TMEM232: variants seen among roughly 807,000 people sequenced by gnomAD.
The protein encoded by TMEM232 is transmembrane protein 232.
A neutral mutation model predicts 78.8 loss-of-function variants in TMEM232; 80 were observed. The observed-to-expected ratio is 1.01, with a 90% CI of 0.85 to 1.22. TMEM232 has a LOEUF of 1.22. TMEM232 is among the 50% of genes most tolerant of loss of function. TMEM232 has a pLI of 0.00. For missense variants in TMEM232, 881 were observed against 742.2 expected, an observed-to-expected ratio of 1.19 and a Z score of -2.17; for synonymous variants, 297 against 254.3, an observed-to-expected ratio of 1.17 and a Z score of -1.60.
intron 5 of TMEM232, among the ~76,000 whole-genome samples, chr5:110,636,257 C>T (rs2149995082): frequency 6.6e-6 from 1 of 151,750 alleles, no homozygotes; most frequent in African/African-American, 2.4e-5. Flanking sequence ...ATATCAGAGA[C>T]TAAAAAGGGT....
intron 9 of TMEM232, 63 bp from the exon 10 acceptor site, chr5:110,605,421 G>T (rs187593839): frequency 6.9e-7 from 1 of 1,454,826 alleles, no homozygotes; most frequent in African/African-American, 1.4e-5. Flanking sequence ...TAACTACACA[G>T]TGTACTTATA....
chr5:110,620,691 C>A lies in TMEM232; in HGVS notation c.769-2129G>T, dbSNP rs991845168. 3.4e-5 allele frequency among the ~76,000 whole-genome samples: 5 copies of A among 145,176 alleles called. No homozygotes were observed. In the East Asian group the frequency reaches 6.4e-4, roughly 19 times the overall value. Reference sequence around the variant, plus strand: ...TCTCTCTCTCTCTCTCTCCCTCTCTCGGCAACAAGTAATAAACCCAATATG... The same window carrying A: ...TCTCTCTCTCTCTCTCTCCCTCTCTAGGCAACAAGTAATAAACCCAATATG... On this transcript the variant is annotated intron_variant, in intron 7 of 13. Transcript: ENST00000455884.
chr5:110,586,889 T>A (rs943166917), intron 10 of TMEM232, among the ~76,000 whole-genome samples: 1 of 152,146 alleles, frequency 6.6e-6, no homozygotes, highest in African/African-American at 2.4e-5. Flanking sequence ...TCAAGTGTAA[T>A]CTTATAACAT....
intron 5 of TMEM232, among the ~76,000 whole-genome samples, chr5:110,636,462 A>C (rs865904516): frequency 6.6e-6 from 1 of 152,146 alleles, no homozygotes; most frequent in South Asian, 2.1e-4. Context: ...TGGATACCCT[A>C]AATATCCTGA....
intron 5 of TMEM232, among the ~76,000 whole-genome samples, chr5:110,635,371 G>A (rs970487582): frequency 6.6e-6 from 1 of 151,796 alleles, no homozygotes; most frequent in Non-Finnish European, 1.5e-5. Flanking sequence ...AACCAGAAAA[G>A]GTGCAACAAA....
Position 110,656,656 on chromosome 5 carries a change from G to A in TMEM232, c.125+10572C>T, listed in dbSNP as rs775201811. ...AGATCGAGACCATCCTGGCTAACAA[G>A]TGAAACCCCGTCTCTACTAAAAATA... On this transcript the variant is annotated intron_variant, in intron 2 of 13. Transcript: ENST00000455884. Among the ~76,000 whole-genome samples the A allele has an allele frequency of 1.6e-4, 24 of 152,174 alleles. No individual in the cohort carries two copies. The East Asian group carries it at 2.7e-3, about 17-fold the overall frequency.
chr5:110,643,280 T>C (rs1480388568), intron 2 of TMEM232, among the ~76,000 whole-genome samples: 3 of 152,018 alleles, frequency 2.0e-5, no homozygotes, highest in Non-Finnish European at 2.9e-5. Flanking sequence ...GAGATGATCA[T>C]GGCCATCCAA....
chr5:110,511,556 T>C (rs538735995), intron 12 of TMEM232, among the ~76,000 whole-genome samples: 1 of 152,256 alleles, frequency 6.6e-6, no homozygotes, highest in East Asian at 1.9e-4. Context: ...TATTCATTTA[T>C]GTAATAATAA....
chr5:110,636,039 T>C (rs1785777946), intron 5 of TMEM232, among the ~76,000 whole-genome samples: 1 of 151,916 alleles, frequency 6.6e-6, no homozygotes, highest in Non-Finnish European at 1.5e-5. Flanking sequence ...GGTGATTAGA[T>C]AAAGAAAATG....
intron 2 of TMEM232, among the ~76,000 whole-genome samples, chr5:110,413,586 C>T (rs1756077657): frequency 6.6e-6 from 1 of 152,208 alleles, no homozygotes; most frequent in African/African-American, 2.4e-5. Flanking sequence ...ACTTATCTTT[C>T]TAATTTCATC....
At chr5:110,679,942 A>G (rs1382095542) in intron 1 of TMEM232, among the ~76,000 whole-genome samples, 1 of 152,098 alleles carries the variant, frequency 6.6e-6, no homozygotes, top group African/African-American at 2.4e-5. Flanking sequence ...TAGAAGTTTT[A>G]AAATTGGTAC....
At chr5:110,618,718 A>C (rs1783252224) in intron 7 of TMEM232, among the ~76,000 whole-genome samples, 156 bp from the exon 8 acceptor site, 1 of 152,232 alleles carries the variant, frequency 6.6e-6, no homozygotes, top group Non-Finnish European at 1.5e-5. Context: ...AATTTACATA[A>C]GCATATTTTT....
intron 11 of TMEM232, among the ~76,000 whole-genome samples, chr5:110,567,753 C>T (rs1776505831): frequency 6.6e-6 from 1 of 151,932 alleles, no homozygotes; most frequent in South Asian, 2.1e-4. Context: ...TACACTTTCT[C>T]TAGTCCAGTG....
In TMEM232 at chr5:110,625,902, C is replaced by T. The variant is rs78315947; in HGVS notation, c.602-469G>A. ...AATAAAAACAAGATGTTATTATTTA[C>T]AACAATAAGATAATTTAACATAACA... is the stretch of plus-strand genomic sequence containing the variant. On this transcript the variant is annotated intron_variant, in intron 6 of 13. Coordinates refer to ENST00000455884, the MANE Select transcript of TMEM232 (RefSeq NM_001039763.4). 7.2e-4 allele frequency among the ~76,000 whole-genome samples: 109 copies of T among 151,572 alleles called. 1 individual carries two copies. The highest frequency in any genetic ancestry group is 1.0e-3 in the African/African-American group (42 of 41,402).
downstream of TMEM232, among the ~76,000 whole-genome samples, chr5:110,414,769 A>C (rs1055761668): frequency 1.3e-5 from 2 of 152,074 alleles, no homozygotes; most frequent in African/African-American, 4.8e-5. Context: ...TTATAGGGAG[A>C]GGTCTGGTGT....
intron 12 of TMEM232, among the ~76,000 whole-genome samples, chr5:110,465,901 T>C (rs1320913736): frequency 6.6e-6 from 1 of 152,180 alleles, no homozygotes; most frequent in East Asian, 1.9e-4. Context: ...CTTTCTGCTC[T>C]AGTAATGGAA....
At chr5:110,684,557 G>GA (rs1191356868) in intron 1 of TMEM232, among the ~76,000 whole-genome samples, 1 of 152,114 alleles carries the variant, frequency 6.6e-6, no homozygotes, top group African/African-American at 2.4e-5. Flanking sequence ...ACATGTTAGA[G>GA]AAAGAGGTTT....
chr5:110,692,616 T>G (rs1376867522), intron 1 of TMEM232, among the ~76,000 whole-genome samples: 1 of 152,150 alleles, frequency 6.6e-6, no homozygotes, highest in African/African-American at 2.4e-5. Context: ...ACTGCGCTTT[T>G]CCAACGGGCT....
chr5:110,445,604 A>C (rs1759562915), intron 12 of TMEM232, among the ~76,000 whole-genome samples: 1 of 152,136 alleles, frequency 6.6e-6, no homozygotes, highest in African/African-American at 2.4e-5. Context: ...AAAACAAAAA[A>C]CATTTACCAT....
Sources: gnomAD v4.1 joint callset for allele counts (sites outside exome capture counted in the v4.1 genomes callset) on GRCh38, gnomAD v4.1.1 for gene constraint, MANE v1.5 for transcripts, NCBI Gene and HGNC (gene_info 2026-07-23, HGNC 2026-07-21) for gene names.